Variants in NLK observed in about 807,000 individuals in gnomAD.
NLK encodes the protein serine/threonine-protein kinase NLK.
In NLK, 11 loss-of-function variants were observed where a neutral mutation model predicts 59.0. The ratio of observed to expected loss-of-function variants is 0.19; its 90% confidence interval spans 0.12 to 0.31. The LOEUF (loss-of-function observed/expected upper bound fraction) is 0.31. Among genes scored for constraint, NLK ranks in the 10% least tolerant of loss-of-function variants. The probability of loss-of-function intolerance (pLI) is 1.00; values close to 1 mark genes in which losing one functional copy is unlikely to be tolerated. For missense variants in NLK, 410 were observed against 661.1 expected (o/e 0.62, Z 4.16); for synonymous variants, 235 against 235.9 (o/e 1.00, Z 0.03).
At chr17:28,122,578 C>T in intron 1 of NLK, 25 bp from the exon 2 acceptor site, 2 of 1,604,948 alleles carry the variant, frequency 1.2e-6, no homozygotes, top group African/African-American at 1.3e-5. Context: ...TTTTTTTTCC[C>T]CTTCCCCAAA....
chr17:28,191,259 A>G (rs371651694), intron 9 of NLK, 40 bp downstream of exon 9: 3 of 1,486,828 alleles, frequency 2.0e-6, no homozygotes, highest in African/African-American at 2.8e-5. Flanking sequence ...CAATATGCCT[A>G]GTAACATTTT....
At chr17:28,095,290 G>A (rs1904661351) in intron 1 of NLK, among the ~76,000 whole-genome samples, 1 of 152,122 alleles carries the variant, frequency 6.6e-6, no homozygotes, top group Admixed American at 6.5e-5. Context: ...AAGCTGGGAG[G>A]GTAGTCAACT....
intron 1 of NLK, among the ~76,000 whole-genome samples, chr17:28,111,896 G>GTGTGTGTGTGGTGTGTGT (rs1394476582): frequency 1.5e-5 from 1 of 67,484 alleles, no homozygotes; most frequent in Non-Finnish European, 2.7e-5. Context: ...GTGTGTGTGT[G>GTGTGTGTGTGGTGTGTGT]GTGTGTGTGT....
intron 1 of NLK, among the ~76,000 whole-genome samples, chr17:28,063,544 G>C (rs548940594): frequency 6.6e-6 from 1 of 151,920 alleles, no homozygotes; most frequent in South Asian, 2.1e-4. Context: ...CTCTCCTGAG[G>C]GGAGGTAATT....
chr17:28,193,010 G>C (rs1056184870), intron 10 of NLK, among the ~76,000 whole-genome samples: 1 of 152,212 alleles, frequency 6.6e-6, no homozygotes, highest in African/African-American at 2.4e-5. Flanking sequence ...CTCCTTGTCT[G>C]TCTGTCCTTT....
At chr17:28,117,218 A>G (rs1344186176) in intron 1 of NLK, among the ~76,000 whole-genome samples, 2 of 152,200 alleles carry the variant, frequency 1.3e-5, no homozygotes, top group East Asian at 1.9e-4. Flanking sequence ...GTATAGATGG[A>G]ACTAATTAAT....
intron 7 of NLK, among the ~76,000 whole-genome samples, chr17:28,173,358 G>A (rs1045554602): frequency 3.3e-5 from 5 of 152,152 alleles, no homozygotes; most frequent in Non-Finnish European, 5.9e-5. Context: ...TGAATTGGAC[G>A]TTTAGATTAT....
chr17:28,044,937 A>G (rs754491899), intron 1 of NLK, among the ~76,000 whole-genome samples: 9 of 152,226 alleles, frequency 5.9e-5, no homozygotes, highest in Non-Finnish European at 1.0e-4. Context: ...ATATATTCAA[A>G]AGGCATTTTT....
chr17:28,124,574 T>C (rs1474825225), intron 2 of NLK, among the ~76,000 whole-genome samples: 1 of 152,178 alleles, frequency 6.6e-6, no homozygotes, highest in African/African-American at 2.4e-5. Flanking sequence ...GTTACTATTT[T>C]ACTACCAGTT....
At chr17:28,161,440 A>G (rs1908000871) in intron 4 of NLK, among the ~76,000 whole-genome samples, 174 bp downstream of exon 4, 1 of 152,212 alleles carries the variant, frequency 6.6e-6, no homozygotes, top group Admixed American at 6.5e-5. Context: ...GAAGCTTTTT[A>G]GGGTTGCCAA....
intron 1 of NLK, among the ~76,000 whole-genome samples, chr17:28,056,514 ACT>A (rs1310997723): frequency 6.6e-6 from 1 of 152,108 alleles, no homozygotes; most frequent in African/African-American, 2.4e-5. Flanking sequence ...AAAAATGAAA[ACT>A]CTATATAAAT....
the NLK span, among the ~76,000 whole-genome samples, chr17:28,202,478 G>C: frequency 6.6e-6 from 1 of 151,896 alleles, no homozygotes; most frequent in Admixed American, 6.6e-5. Context: ...ATGAGCCACT[G>C]CGCCTGGCCA....
chr17:28,070,693 C>T (rs1909978655), intron 1 of NLK, among the ~76,000 whole-genome samples: 1 of 151,846 alleles, frequency 6.6e-6, no homozygotes, highest in Admixed American at 6.6e-5. Flanking sequence ...GGGTTTGAGG[C>T]ATTTTTGTTG....
chr17:28,101,303 A>C (rs1375090138), intron 1 of NLK, among the ~76,000 whole-genome samples: 1 of 152,148 alleles, frequency 6.6e-6, no homozygotes, highest in Non-Finnish European at 1.5e-5. Flanking sequence ...TGCTTTCTTC[A>C]AAAAAGCCTG....
At chr17:28,103,776 T>C (rs1008775787) in intron 1 of NLK, among the ~76,000 whole-genome samples, 3 of 152,240 alleles carry the variant, frequency 2.0e-5, no homozygotes, top group Non-Finnish European at 4.4e-5. Flanking sequence ...TAGGTTAAAA[T>C]ACCAAGAGAA....
chr17:28,183,768 T>C (rs1262106765), intron 7 of NLK, among the ~76,000 whole-genome samples: 2 of 152,132 alleles, frequency 1.3e-5, no homozygotes, highest in Non-Finnish European at 2.9e-5. Flanking sequence ...AGAGATTAGT[T>C]TTTTGTTTTT....
intron 3 of NLK, among the ~76,000 whole-genome samples, chr17:28,153,647 G>T (rs561027230): frequency 6.6e-6 from 1 of 152,262 alleles, no homozygotes; most frequent in African/African-American, 2.4e-5. Context: ...AACGCTTAAT[G>T]CAGGGATGGC....
chr17:28,049,720 C>T (rs1306812566), intron 1 of NLK, among the ~76,000 whole-genome samples: 4 of 152,188 alleles, frequency 2.6e-5, no homozygotes, highest in Non-Finnish European at 4.4e-5. Flanking sequence ...TGGTGTCTCA[C>T]GCCTGTAATC....
chr17:28,043,238 A>G lies in NLK; in HGVS notation c.365A>G (p.Lys122Arg). 1 of 1,613,944 alleles carries G rather than the reference A, an allele frequency of 6.2e-7. No individual in the cohort carries two copies. The highest frequency in any genetic ancestry group is 8.5e-7 in the Non-Finnish European group (1 of 1,179,872). ...CAGGCTGCCGCAGCTGCTACAGTTA[A>G]GGCGCACCATCATCAGCACTCGCAT... is the stretch of plus-strand genomic sequence containing the variant. ...QVQAAAAATV[K>R]AHHHQHSHHP... The change falls in exon 1 of 11, where the codon AAG becomes AGG. Residue 122 changes from lysine to arginine, a missense_variant. By Grantham distance (26) the Lys-to-Arg change is conservative (BLOSUM62 2). Coordinates refer to ENST00000407008, the MANE Select transcript of NLK (RefSeq NM_016231.5).
Sources: gnomAD v4.1 joint callset for allele counts (sites outside exome capture counted in the v4.1 genomes callset) on GRCh38, gnomAD v4.1.1 for gene constraint, MANE v1.5 for transcripts, NCBI Gene and HGNC (gene_info 2026-07-23, HGNC 2026-07-21) for gene names.